The following TECTB variants were observed in gnomAD, a reference collection of about 807,000 sequenced individuals.
The protein encoded by TECTB is beta-tectorin.
A neutral mutation model predicts 43.3 loss-of-function variants in TECTB; 45 were observed. That is an observed-to-expected ratio of 1.04 (90% CI 0.82 to 1.33). TECTB has a LOEUF of 1.33. Ranked by LOEUF, TECTB falls within the 40% of genes most tolerant of loss-of-function variation. The pLI is 0.00. For missense variants in TECTB, 399 were observed against 404.7 expected (o/e 0.99, Z 0.12); for synonymous variants, 169 against 156.7 (o/e 1.08, Z -0.59).
chr10:112,295,134 A>G (rs80211421), intron 7 of TECTB, among the ~76,000 whole-genome samples: 6,053 of 152,338 alleles, frequency 0.04, 412 homozygotes, highest in African/African-American at 0.14. Context: ...TTAGCAGTAA[A>G]CAAAGAAGAG....
intron 7 of TECTB, among the ~76,000 whole-genome samples, chr10:112,297,192 G>A (rs1041804270): frequency 6.6e-6 from 1 of 152,180 alleles, no homozygotes; most frequent in African/African-American, 2.4e-5. Flanking sequence ...GCTGTGCACT[G>A]TAGGACGTTC....
intron 7 of TECTB, among the ~76,000 whole-genome samples, chr10:112,296,659 C>A (rs1472941538): frequency 4.6e-5 from 7 of 152,168 alleles, no homozygotes; most frequent in African/African-American, 1.4e-4. Flanking sequence ...CGGCTCTGAC[C>A]CCTGGTCCAG....
Position 112,300,279 on chromosome 10 carries a change from A to AAAGAAAAGAAAG in TECTB, c.907+717_907+718insGAAAAGAAAGAA, listed in dbSNP as rs1361291056. On this transcript the variant is annotated intron_variant, in intron 9 of 10. Coordinates refer to ENST00000646139, the MANE Select transcript of TECTB (RefSeq NM_058222.3). ...GAAAGAAAGAAAGAAAGAAAGAAAGAAAAGAAAGAAAGAAAGAAAGAAAGA... is the reference window on the plus strand; with the variant it reads ...GAAAGAAAGAAAGAAAGAAAGAAAGAAAGAAAAGAAAGAAAGAAAGAAAGAAAGAAAGAAAGA... Among the ~76,000 whole-genome samples, 445 of 48,148 alleles carry AAAGAAAAGAAAG rather than the reference A, an allele frequency of 9.2e-3. 2 individuals are homozygous for AAAGAAAAGAAAG. Among genetic ancestry groups the AAAGAAAAGAAAG allele is most frequent in the Admixed American group, 0.013 (56 of 4,218 alleles). The allele number at this position is 48,148 out of a possible 152,430, so 31.6% of individuals were successfully genotyped here. A position where few individuals can be genotyped will look rare whatever the true frequency, so the allele number is the denominator to read the frequency against.
intron 8 of TECTB, among the ~76,000 whole-genome samples, chr10:112,298,497 A>G (rs1022826560): frequency 1.3e-5 from 2 of 152,216 alleles, no homozygotes; most frequent in African/African-American, 4.8e-5. Context: ...AAAGTGTGTT[A>G]AGTAATGATG....
At chr10:112,287,750 C>T (rs1247282399) in intron 5 of TECTB, among the ~76,000 whole-genome samples, 1 of 152,156 alleles carries the variant, frequency 6.6e-6, no homozygotes, top group East Asian at 1.9e-4. Context: ...CAGTCTGGAA[C>T]ACAGATCTCC....
In TECTB at chr10:112,286,381, A is replaced by G. The variant is rs538658987; in HGVS notation, c.473A>G (p.Asn158Ser). The part of the protein sequence containing the change: ...MGTFESQLSL[N>S]FYTNAKFSIK... Reference sequence around the variant, plus strand: ...ACATTTGAGAGCCAACTGTCTCTCAACTTCTACACTGTAAGTGGTCTCCAG... The same window carrying G: ...ACATTTGAGAGCCAACTGTCTCTCAGCTTCTACACTGTAAGTGGTCTCCAG... Residue 158 changes from asparagine to serine, a missense_variant, in exon 5 of 11, where the codon AAC (asparagine) becomes AGC (serine). By Grantham distance (46) the Asn-to-Ser change is conservative. Coordinates refer to ENST00000646139, the MANE Select transcript of TECTB (RefSeq NM_058222.3). The G allele has an allele frequency of 1.2e-5, 19 of 1,606,746 alleles. No homozygotes were observed. Among genetic ancestry groups the G allele is most frequent in the African/African-American group, 2.7e-5 (2 of 74,882 alleles).
At chr10:112,295,835 C>G (rs1848542016) in intron 7 of TECTB, among the ~76,000 whole-genome samples, 2 of 152,220 alleles carry the variant, frequency 1.3e-5, no homozygotes, top group Admixed American at 1.3e-4. Context: ...AGATGTGCAA[C>G]ATGGCTGAAA....
At chr10:112,293,256 T>C (rs1848515119) in intron 5 of TECTB, among the ~76,000 whole-genome samples, 1 of 152,194 alleles carries the variant, frequency 6.6e-6, no homozygotes, top group Admixed American at 6.5e-5. Flanking sequence ...ATTGTGGTAG[T>C]GGTTGTTATT....
chr10:112,300,281 A>AG (rs34083001), intron 9 of TECTB, among the ~76,000 whole-genome samples: 1 of 94,576 alleles, frequency 1.1e-5, no homozygotes, highest in African/African-American at 3.9e-5. Flanking sequence ...AAAGAAAGAA[A>AG]AGAAAGAAAG....
At position 112,286,125 on chromosome 10, in the gene TECTB, G is replaced by A; in HGVS notation, c.322G>A (p.Val108Met). The change falls in exon 4 of 11, where the codon GTG becomes ATG. Residue 108 changes from valine to methionine, a missense_variant. Coordinates refer to ENST00000646139, the MANE Select transcript of TECTB (RefSeq NM_058222.3). ...YSHIVSNDTT[V>M]IVKNQPVNYS... ...TCACATCGTTTCCAATGACACCACA[G>A]TGATTGTAAAAAACCAGCCTGTCAA... The A allele has an allele frequency of 6.2e-7, 1 of 1,614,092 alleles. No homozygotes were observed.
In TECTB at chr10:112,298,092, T is replaced by C; in HGVS notation, c.695T>C (p.Leu232Pro). Residue 232 changes from leucine (L) to proline (P), a missense_variant, in exon 8 of 11, where the codon CTC (leucine) becomes CCC (proline). Coordinates refer to ENST00000646139, the MANE Select transcript of TECTB (RefSeq NM_058222.3). ...AGCTGCCCCACGGATGAAACCGTCCTCGTGCATGAGAATGGGAGAGATCAC... is the reference window on the plus strand; with the variant it reads ...AGCTGCCCCACGGATGAAACCGTCCCCGTGCATGAGAATGGGAGAGATCAC... ...NKGCPTDETV[L>P]VHENGRDHRA... 6.2e-7 allele frequency: 1 copy of C among 1,614,212 alleles called. No individual in the cohort carries two copies.
chr10:112,293,361 G>A (rs1489996708), intron 5 of TECTB, among the ~76,000 whole-genome samples: 1 of 152,196 alleles, frequency 6.6e-6, no homozygotes, highest in Non-Finnish European at 1.5e-5. Context: ...AACGAGTGAG[G>A]GCAGAGGCGG....
intron 10 of TECTB, 38 bp downstream of exon 10, chr10:112,302,171 A>G (rs945821926): frequency 2.0e-5 from 33 of 1,610,038 alleles, no homozygotes; most frequent in African/African-American, 2.7e-5. Context: ...TCGTGGGGCT[A>G]TGCTGTTAAA....
intron 9 of TECTB, among the ~76,000 whole-genome samples, chr10:112,300,725 G>C (rs1225271332): frequency 6.6e-6 from 1 of 152,184 alleles, no homozygotes; most frequent in Admixed American, 6.5e-5. Flanking sequence ...TCAGATTCCA[G>C]GTTTTCCAGT....
chr10:112,302,038 T>C, intron 9 of TECTB, 63 bp from the exon 10 acceptor site: 1 of 1,590,742 alleles, frequency 6.3e-7, no homozygotes, highest in Non-Finnish European at 8.6e-7. Context: ...AACATCACTC[T>C]GAGACTTCTC....
rs1387433252 is a variant in TECTB, at chr10:112,304,838, T to C, written c.*1526T>C. 1 of 146,896 alleles carries C rather than the reference T, an allele frequency of 6.8e-6. No individual in the cohort carries two copies. The highest frequency in any genetic ancestry group is 1.5e-5 in the Non-Finnish European group (1 of 68,026). 9.1% of individuals were successfully genotyped at this position (146,896 alleles called of 1,614,324 possible). A position where few individuals can be genotyped will look rare whatever the true frequency, so the allele number is the denominator to read the frequency against. Reference sequence around the variant, plus strand: ...CTTCTTTCTGTAAATTCAGAGTTTTTATAGTCAGGAAAAACAGAAGACATA... The same window carrying C: ...CTTCTTTCTGTAAATTCAGAGTTTTCATAGTCAGGAAAAACAGAAGACATA... On this transcript the variant is annotated 3_prime_UTR_variant, in exon 11 of 11. Transcript: ENST00000646139.
Position 112,304,478 on chromosome 10 carries a change from A to T in TECTB, c.*1166A>T, listed in dbSNP as rs1253293846. The T allele has an allele frequency of 6.6e-6, 1 of 152,248 alleles. No homozygotes were observed. The highest frequency in any genetic ancestry group is 1.5e-5 in the Non-Finnish European group (1 of 68,038). The allele number at this position is 152,248 out of a possible 1,614,324, so 9.4% of individuals were successfully genotyped here. A position where few individuals can be genotyped will look rare whatever the true frequency, so the allele number is the denominator to read the frequency against. ...TGATTTACATTGTCAACAAAATACA[A>T]ACTGAATGAACCAATTCTGGTAGAG... On this transcript the variant is annotated 3_prime_UTR_variant, in exon 11 of 11. Transcript: ENST00000646139.
At chr10:112,292,935 C>T (rs573419627) in intron 5 of TECTB, among the ~76,000 whole-genome samples, 4 of 152,326 alleles carry the variant, frequency 2.6e-5, no homozygotes, top group Admixed American at 1.3e-4. Flanking sequence ...ACATGGCCCC[C>T]CTCCTCACTT....
chr10:112,300,303 G>GAA (rs1554854238), intron 9 of TECTB, among the ~76,000 whole-genome samples: 1 of 100,868 alleles, frequency 9.9e-6, no homozygotes, highest in Non-Finnish European at 2.0e-5. Context: ...AAGAAAGAAA[G>GAA]AAAGAAAGAA....
Sources: allele counts gnomAD v4.1 joint callset (sites outside exome capture counted in the v4.1 genomes callset), GRCh38; gene constraint gnomAD v4.1.1; transcripts MANE v1.5; gene names NCBI Gene and HGNC (gene_info 2026-07-23, HGNC 2026-07-21).